Variants in SLC9C1 observed in about 807,000 individuals in gnomAD.
The protein encoded by SLC9C1 is solute carrier family 9 member C1, also known as sodium/hydrogen exchanger 10.
A neutral mutation model predicts 140.9 loss-of-function variants in SLC9C1; 97 were observed. The observed-to-expected ratio is 0.69, with a 90% CI of 0.58 to 0.82. The LOEUF is 0.82. Among genes scored for constraint, SLC9C1 ranks in the 40% least tolerant of loss-of-function variants. SLC9C1 has a pLI of 0.00. For synonymous variants in SLC9C1, 440 were observed against 442.6 expected, an observed-to-expected ratio of 0.99 and a Z score of 0.07; for missense variants, 1,340 against 1,389.3, an observed-to-expected ratio of 0.96 and a Z score of 0.56.
At chr3:112,228,311 C>T (rs967867790) in intron 13 of SLC9C1, among the ~76,000 whole-genome samples, 12 of 152,078 alleles carry the variant, frequency 7.9e-5, no homozygotes, top group African/African-American at 2.9e-4. Flanking sequence ...AGAACAGTCT[C>T]TTCAATAAAT....
intron 5 of SLC9C1, among the ~76,000 whole-genome samples, chr3:112,276,159 C>T (rs1323860567): frequency 6.6e-6 from 1 of 152,068 alleles, no homozygotes. Flanking sequence ...GTTTAAGCCA[C>T]CACATTTGGA....
chr3:112,222,574 A>C (rs897048058), intron 13 of SLC9C1, among the ~76,000 whole-genome samples: 1 of 152,196 alleles, frequency 6.6e-6, no homozygotes, highest in South Asian at 2.1e-4. Flanking sequence ...GAGGTTATTC[A>C]GTCACCATAA....
At chr3:112,237,400 C>G (rs1367902892) in intron 12 of SLC9C1, among the ~76,000 whole-genome samples, 2 of 152,154 alleles carry the variant, frequency 1.3e-5, no homozygotes, top group Non-Finnish European at 2.9e-5. Flanking sequence ...TGGGTCTTGA[C>G]TTTTCATCCA....
At chr3:112,290,208 T>C (rs907483322) in intron 1 of SLC9C1, among the ~76,000 whole-genome samples, 8 of 152,246 alleles carry the variant, frequency 5.3e-5, no homozygotes, top group Admixed American at 4.6e-4. Flanking sequence ...ATAAGGAAAA[T>C]TATTTTCTGT....
At chr3:112,213,593 A>T (rs1382218579) in intron 15 of SLC9C1, among the ~76,000 whole-genome samples, 2 of 152,210 alleles carry the variant, frequency 1.3e-5, no homozygotes, top group Non-Finnish European at 2.9e-5. Context: ...ACCAACGAAG[A>T]TCAAAAGAGA....
chr3:112,170,224 A>G (rs1482391626), intron 23 of SLC9C1, among the ~76,000 whole-genome samples: 1 of 152,218 alleles, frequency 6.6e-6, no homozygotes, highest in East Asian at 1.9e-4. Context: ...CACTGGGAGA[A>G]ACAAAAACCC....
At chr3:112,290,978 G>A (rs1160022643) in intron 1 of SLC9C1, among the ~76,000 whole-genome samples, 1 of 151,902 alleles carries the variant, frequency 6.6e-6, no homozygotes, top group Non-Finnish European at 1.5e-5. Flanking sequence ...CATACCATAG[G>A]GTCTGGGTTC....
At position 112,272,819 on chromosome 3, in the gene SLC9C1, A is replaced by G. The variant is rs956926612; in HGVS notation, c.613+2078T>C. Among the ~76,000 whole-genome samples, 5 of 152,310 alleles carry G rather than the reference A, an allele frequency of 3.3e-5. No homozygotes were observed. The South Asian group carries it at 1.0e-3, about 32-fold the overall frequency. On this transcript the variant is annotated intron_variant, in intron 6 of 28. Coordinates refer to ENST00000305815, the MANE Select transcript of SLC9C1 (RefSeq NM_183061.3). ...CAAGGGGATTTTGCTTATTGTGCTT[A>G]TGGTTAAATGCTCAGGTCCTAGAAT...
chr3:112,250,745 C>A (rs4321509), intron 10 of SLC9C1, among the ~76,000 whole-genome samples: 89,928 of 151,888 alleles, frequency 0.59, 27,143 homozygotes, highest in East Asian at 0.79. Context: ...AAGAAATAAC[C>A]GGTGCTGGCA....
rs762290843 is a variant in SLC9C1 at position 112,233,061 on chromosome 3, A to AT, written c.1447-1576dup. Among the ~76,000 whole-genome samples the AT allele has an allele frequency of 4.8e-3, 282 of 59,352 alleles. 7 individuals are homozygous for AT. Among genetic ancestry groups the AT allele is most frequent in the East Asian group, 8.2e-3 (16 of 1,956 alleles). The allele number at this position is 59,352 out of a possible 152,430, so 38.9% of individuals were successfully genotyped here. Reference sequence around the variant, plus strand: ...CACACACACACACACATATATATATATATATATTATATTTTTTTTTTTTTT... The same window carrying AT: ...CACACACACACACACATATATATATATTATATATTATATTTTTTTTTTTTTT... On this transcript the variant is annotated intron_variant, in intron 12 of 28. Transcript: ENST00000305815.
chr3:112,175,330 G>C (rs1364973485), intron 23 of SLC9C1, among the ~76,000 whole-genome samples: 1 of 152,144 alleles, frequency 6.6e-6, no homozygotes, highest in Non-Finnish European at 1.5e-5. Flanking sequence ...TGAGAGCTCT[G>C]CCCCAGGGAG....
At chr3:112,167,033 A>G (rs1294226251) in intron 26 of SLC9C1, among the ~76,000 whole-genome samples, 188 bp downstream of exon 26, 1 of 152,190 alleles carries the variant, frequency 6.6e-6, no homozygotes, top group Non-Finnish European at 1.5e-5. Flanking sequence ...TGGATGAAAT[A>G]TATAATAATT....
chr3:112,248,743 A>G (rs556207081), intron 10 of SLC9C1, among the ~76,000 whole-genome samples: 3 of 152,180 alleles, frequency 2.0e-5, no homozygotes, highest in Non-Finnish European at 2.9e-5. Context: ...AACTTAAGGG[A>G]AAGTATTCAG....
At chr3:112,153,214 T>G (rs1368293190) in intron 27 of SLC9C1, among the ~76,000 whole-genome samples, 2 of 152,216 alleles carry the variant, frequency 1.3e-5, no homozygotes. Context: ...ACTTTCATTT[T>G]CACACTCCTG....
At chr3:112,261,342 T>C (rs1048455859) in intron 10 of SLC9C1, among the ~76,000 whole-genome samples, 11 of 152,084 alleles carry the variant, frequency 7.2e-5, no homozygotes, top group African/African-American at 2.7e-4. Context: ...AGTTAAATAG[T>C]TTAAAATTAA....
At chr3:112,224,251 G>A (rs1329585604) in intron 13 of SLC9C1, among the ~76,000 whole-genome samples, 1 of 152,158 alleles carries the variant, frequency 6.6e-6, no homozygotes, top group Non-Finnish European at 1.5e-5. Flanking sequence ...CTATGCTATT[G>A]TATCCACCCA....
chr3:112,239,774 A>T (rs1247786611), intron 12 of SLC9C1, 66 bp downstream of exon 12: 1 of 1,346,306 alleles, frequency 7.4e-7, no homozygotes, highest in East Asian at 2.5e-5. Flanking sequence ...AATATTTATG[A>T]TCTGATTTAT....
chr3:112,185,810 G>A, intron 20 of SLC9C1: 2 of 1,570,754 alleles, frequency 1.3e-6, no homozygotes, highest in Non-Finnish European at 1.7e-6. Flanking sequence ...GACGCTGGTA[G>A]CGCAGGGGAG....
chr3:112,162,440 G>A (rs1250121941), intron 26 of SLC9C1, among the ~76,000 whole-genome samples: 3 of 152,176 alleles, frequency 2.0e-5, no homozygotes, highest in East Asian at 1.9e-4. Flanking sequence ...TTTGAAATAC[G>A]TCCCATCAAT....
Sources: gnomAD v4.1 joint callset for allele counts (sites outside exome capture counted in the v4.1 genomes callset) on GRCh38, gnomAD v4.1.1 for gene constraint, MANE v1.5 for transcripts, NCBI Gene and HGNC (gene_info 2026-07-23, HGNC 2026-07-21) for gene names.